Variants in RFX3 observed in about 807,000 individuals in gnomAD.
The protein encoded by RFX3 is regulatory factor X3.
A neutral mutation model predicts 98.6 loss-of-function variants in RFX3; 14 were observed. The observed-to-expected ratio is 0.14, with a 90% CI of 0.09 to 0.22. RFX3 has a LOEUF of 0.22. Ranked by LOEUF, RFX3 falls within the 10% of genes least tolerant of loss-of-function variation. The pLI, the probability that RFX3 is intolerant of heterozygous loss-of-function variation, is 1.00. For missense variants in RFX3, 639 were observed against 926.9 expected, an observed-to-expected ratio of 0.69 and a Z score of 4.03; for synonymous variants, 383 against 328.4, an observed-to-expected ratio of 1.17 and a Z score of -1.80.
intron 1 of RFX3, among the ~76,000 whole-genome samples, chr9:3,511,215 A>G (rs973880121): frequency 6.6e-6 from 1 of 152,046 alleles, no homozygotes; most frequent in Non-Finnish European, 1.5e-5. Context: ...TCAAACAAGG[A>G]AACATCAGCT....
chr9:3,481,458 T>C (rs1249536168), intron 1 of RFX3, among the ~76,000 whole-genome samples: 1 of 151,582 alleles, frequency 6.6e-6, no homozygotes, highest in Non-Finnish European at 1.5e-5. Flanking sequence ...ATCAAGAAAA[T>C]AGTTTCCCAT....
chr9:3,228,906 A>G lies in RFX3; in HGVS notation c.1969-17T>C. 6.2e-7 allele frequency: 1 copy of G among 1,607,654 alleles called. No individual in the cohort carries two copies. Among genetic ancestry groups the G allele is most frequent in the Non-Finnish European group, 8.5e-7 (1 of 1,176,480 alleles). On this transcript the variant is annotated splice_polypyrimidine_tract_variant and intron_variant, in intron 15 of 16. Transcript: ENST00000617270. ...ATCACCAAACTGCAAAACAATAGTC[A>G]TTTGTGCAATAGTTAATATAGGGCA... is the stretch of plus-strand genomic sequence containing the variant.
At chr9:3,362,426 G>C (rs369362484) in intron 2 of RFX3, among the ~76,000 whole-genome samples, 2 of 152,136 alleles carry the variant, frequency 1.3e-5, no homozygotes, top group African/African-American at 4.8e-5. Context: ...AAACTGTGTA[G>C]CTTCTTCTGT....
intron 1 of RFX3, among the ~76,000 whole-genome samples, chr9:3,438,828 A>G (rs1845382423): frequency 6.6e-6 from 1 of 152,090 alleles, no homozygotes; most frequent in South Asian, 2.1e-4. Flanking sequence ...CAATTCATCA[A>G]GACGACATAA....
At chr9:3,456,084 GA>G (rs1020549542) in intron 1 of RFX3, among the ~76,000 whole-genome samples, 1 of 152,206 alleles carries the variant, frequency 6.6e-6, no homozygotes, top group African/African-American at 2.4e-5. Flanking sequence ...GCACGCTCCT[GA>G]AGGCTGTGTA....
chr9:3,491,060 G>A (rs2133501171), intron 1 of RFX3, among the ~76,000 whole-genome samples: 1 of 152,090 alleles, frequency 6.6e-6, no homozygotes, highest in South Asian at 2.1e-4. Context: ...GCATGATTTG[G>A]CTTTACCTTT....
Position 3,228,842 on chromosome 9 carries a change from C to A in RFX3, c.2011+5G>T. 6.2e-7 allele frequency: 1 copy of A among 1,606,178 alleles called. No individual in the cohort carries two copies. Among genetic ancestry groups the A allele is most frequent in the Non-Finnish European group, 8.5e-7 (1 of 1,177,192 alleles). Reference sequence around the variant, plus strand: ...CTTAAAATGTACATTATTTTCGATTCTTACCTTTATCCAGATTTCCAGGAG... The same window carrying A: ...CTTAAAATGTACATTATTTTCGATTATTACCTTTATCCAGATTTCCAGGAG... On this transcript the variant is annotated splice_donor_5th_base_variant and intron_variant, in intron 16 of 16. Transcript: ENST00000617270.
chr9:3,290,440 A>G (rs1201265287), intron 6 of RFX3, among the ~76,000 whole-genome samples: 1 of 152,186 alleles, frequency 6.6e-6, no homozygotes, highest in East Asian at 1.9e-4. Context: ...GTAACAAAAG[A>G]AGGACAACAA....
Position 3,350,854 on chromosome 9 carries a change from A to G in RFX3, c.118-4090T>C, listed in dbSNP as rs572925519. ...AGAAGGTAATCTGAAAAGGTTACAT[A>G]CTGTAGGATTTCAACTATCTGACAT... On this transcript the variant is annotated intron_variant, in intron 2 of 16. Transcript: ENST00000617270. Among the ~76,000 whole-genome samples, 24 of 152,282 alleles carry G rather than the reference A, an allele frequency of 1.6e-4. 1 individual carries two copies. The South Asian group carries it at 4.6e-3, about 29-fold the overall frequency.
intron 4 of RFX3, among the ~76,000 whole-genome samples, chr9:3,316,789 T>C (rs1362777812): frequency 6.6e-6 from 1 of 151,958 alleles, no homozygotes; most frequent in Non-Finnish European, 1.5e-5. Context: ...GAGAATAAAA[T>C]ACCTAGGAAT....
At chr9:3,287,424 A>G (rs1173174396) in intron 7 of RFX3, among the ~76,000 whole-genome samples, 4 of 152,020 alleles carry the variant, frequency 2.6e-5, no homozygotes, top group Non-Finnish European at 5.9e-5. Flanking sequence ...CATAAGTCAC[A>G]TGGGACTAGA....
chr9:3,398,275 G>C (rs1050542098), intron 1 of RFX3, among the ~76,000 whole-genome samples: 5 of 151,594 alleles, frequency 3.3e-5, no homozygotes, highest in Non-Finnish European at 5.9e-5. Context: ...AATTTGGGGA[G>C]AGAATACACA....
chr9:3,518,352 C>T (rs1390100891), intron 1 of RFX3, among the ~76,000 whole-genome samples: 1 of 152,140 alleles, frequency 6.6e-6, no homozygotes, highest in African/African-American at 2.4e-5. Context: ...GAGGAGGTGG[C>T]TAAGCTGAGA....
At chr9:3,285,793 C>T (rs959166592) in intron 7 of RFX3, among the ~76,000 whole-genome samples, 1 of 151,618 alleles carries the variant, frequency 6.6e-6, no homozygotes, top group Non-Finnish European at 1.5e-5. Flanking sequence ...TACTGAGATT[C>T]TTATATCATT....
At chr9:3,233,042 TG>T (rs1818686370) in intron 15 of RFX3, among the ~76,000 whole-genome samples, 1 of 152,182 alleles carries the variant, frequency 6.6e-6, no homozygotes, top group Middle Eastern at 3.2e-3. Context: ...GCATGTCTAT[TG>T]TTTGAGAGAA....
chr9:3,245,740 T>C (rs1006348769), intron 15 of RFX3, among the ~76,000 whole-genome samples: 2 of 152,186 alleles, frequency 1.3e-5, no homozygotes, highest in Admixed American at 1.3e-4. Flanking sequence ...CAATTGTTAT[T>C]GTCTTTGTGG....
At chr9:3,521,408 T>C (rs925817841) in intron 1 of RFX3, among the ~76,000 whole-genome samples, 4 of 152,178 alleles carry the variant, frequency 2.6e-5, no homozygotes, top group African/African-American at 4.8e-5. Flanking sequence ...GCCTATTATA[T>C]GCTTCAATGC....
chr9:3,368,817 CA>C (rs1195883299), intron 2 of RFX3, among the ~76,000 whole-genome samples: 2 of 152,170 alleles, frequency 1.3e-5, no homozygotes, highest in Admixed American at 1.3e-4. Context: ...GAGTTAATTT[CA>C]ATGTTCTGTC....
intron 7 of RFX3, among the ~76,000 whole-genome samples, chr9:3,279,264 T>G (rs1296679812): frequency 6.6e-6 from 1 of 151,806 alleles, no homozygotes. Flanking sequence ...AAGTTTCAAC[T>G]GATTTTAGCT....
Sources: allele counts gnomAD v4.1 joint callset (sites outside exome capture counted in the v4.1 genomes callset), GRCh38; gene constraint gnomAD v4.1.1; transcripts MANE v1.5; gene names NCBI Gene and HGNC (gene_info 2026-07-23, HGNC 2026-07-21).